Variants in HS6ST3 observed in about 807,000 individuals in gnomAD.
The protein encoded by HS6ST3 is heparan sulfate 6-O-sulfotransferase 3, also known as heparan-sulfate 6-O-sulfotransferase 3.
HS6ST3 carries 12 observed loss-of-function variants against 36.7 expected under a neutral mutation model. The ratio of observed to expected loss-of-function variants is 0.33; its 90% CI spans 0.21 to 0.53. HS6ST3 has a LOEUF of 0.53. Among genes scored for constraint, HS6ST3 ranks in the 20% least tolerant of loss-of-function variants. The probability of loss-of-function intolerance (pLI) is 0.95; values close to 1 mark genes in which losing one functional copy is unlikely to be tolerated. For synonymous variants in HS6ST3, 240 were observed against 257.5 expected (o/e 0.93, Z 0.65); for missense variants, 584 against 640.9 (o/e 0.91, Z 0.96).
chr13:96,403,704 G>A (rs950139880), intron 1 of HS6ST3, among the ~76,000 whole-genome samples: 1 of 152,170 alleles, frequency 6.6e-6, no homozygotes, highest in Non-Finnish European at 1.5e-5. Flanking sequence ...GGACAGGTTG[G>A]GGGAAGGCTC....
intron 1 of HS6ST3, among the ~76,000 whole-genome samples, chr13:96,213,509 C>A (rs9562051): frequency 0.053 from 8,085 of 151,248 alleles, 297 homozygotes; most frequent in East Asian, 0.15. Flanking sequence ...CTATGGCCGA[C>A]TGCCTCTGTG....
At chr13:96,812,638 A>T (rs996648168) in intron 1 of HS6ST3, among the ~76,000 whole-genome samples, 1 of 152,322 alleles carries the variant, frequency 6.6e-6, no homozygotes, top group South Asian at 2.1e-4. Flanking sequence ...GCTTGCTAGC[A>T]GTTACATTTT....
At chr13:96,750,697 T>C (rs754971428) in intron 1 of HS6ST3, among the ~76,000 whole-genome samples, 1 of 152,110 alleles carries the variant, frequency 6.6e-6, no homozygotes, top group Non-Finnish European at 1.5e-5. Flanking sequence ...CAATTAACCA[T>C]GTAGACATTC....
intron 1 of HS6ST3, among the ~76,000 whole-genome samples, chr13:96,496,937 A>T (rs773722988): frequency 2.0e-5 from 3 of 152,232 alleles, no homozygotes; most frequent in South Asian, 4.2e-4. Context: ...GGGATACCTC[A>T]TGGGGGTTGT....
chr13:96,753,746 C>T (rs1022608469), intron 1 of HS6ST3, among the ~76,000 whole-genome samples: 2 of 152,112 alleles, frequency 1.3e-5, no homozygotes, highest in Admixed American at 1.3e-4. Flanking sequence ...CCAATAGAAG[C>T]AGATAGTGGA....
intron 1 of HS6ST3, among the ~76,000 whole-genome samples, chr13:96,273,121 A>C (rs893745884): frequency 6.6e-6 from 1 of 151,980 alleles, no homozygotes; most frequent in African/African-American, 2.4e-5. Flanking sequence ...ATTGATATAC[A>C]GTTAAGGGGA....
At chr13:96,459,541 G>A (rs2055772541) in intron 1 of HS6ST3, among the ~76,000 whole-genome samples, 1 of 152,160 alleles carries the variant, frequency 6.6e-6, no homozygotes. Context: ...TGCTATCGGG[G>A]TAGGCACGCA....
chr13:96,427,971 G>A (rs1274445548), intron 1 of HS6ST3, among the ~76,000 whole-genome samples: 3 of 152,150 alleles, frequency 2.0e-5, no homozygotes, highest in Non-Finnish European at 4.4e-5. Flanking sequence ...TACCATAGAA[G>A]TAATGTACCC....
intron 1 of HS6ST3, among the ~76,000 whole-genome samples, chr13:96,370,895 A>T (rs1283336023): frequency 2.0e-5 from 3 of 152,182 alleles, no homozygotes; most frequent in Non-Finnish European, 4.4e-5. Flanking sequence ...GAGACACCGT[A>T]TCAAAGAATA....
At chr13:96,222,828 A>G (rs1248254155) in intron 1 of HS6ST3, among the ~76,000 whole-genome samples, 4 of 152,210 alleles carry the variant, frequency 2.6e-5, no homozygotes, top group Non-Finnish European at 4.4e-5. Flanking sequence ...ATCAGGGAGC[A>G]TGCTTTAGCT....
At chr13:96,580,450 T>G (rs1206777816) in intron 1 of HS6ST3, among the ~76,000 whole-genome samples, 1 of 151,754 alleles carries the variant, frequency 6.6e-6, no homozygotes, top group African/African-American at 2.4e-5. Flanking sequence ...GTAAGCCCAT[T>G]TAAAATTTTT....
intron 1 of HS6ST3, among the ~76,000 whole-genome samples, chr13:96,468,096 A>G (rs2055823197): frequency 6.6e-6 from 1 of 152,172 alleles, no homozygotes; most frequent in South Asian, 2.1e-4. Flanking sequence ...TAATGATTAC[A>G]ACTTCTGTTT....
At chr13:96,472,308 A>G (rs2138891336) in intron 1 of HS6ST3, among the ~76,000 whole-genome samples, 1 of 152,346 alleles carries the variant, frequency 6.6e-6, no homozygotes, top group Non-Finnish European at 1.5e-5. Flanking sequence ...TGCAGCTGCA[A>G]CTGGGTGATC....
At chr13:96,116,978 C>A (rs2053896915) in intron 1 of HS6ST3, among the ~76,000 whole-genome samples, 1 of 152,168 alleles carries the variant, frequency 6.6e-6, no homozygotes, top group Non-Finnish European at 1.5e-5. Flanking sequence ...TGAGCTTTAT[C>A]ATTGACTACA....
At chr13:96,674,661 C>T (rs2056693298) in intron 1 of HS6ST3, among the ~76,000 whole-genome samples, 1 of 152,150 alleles carries the variant, frequency 6.6e-6, no homozygotes, top group Non-Finnish European at 1.5e-5. Context: ...TCATTCTCAG[C>T]AGAAAGTAAA....
chr13:96,244,185 T>C (rs1422702994), intron 1 of HS6ST3, among the ~76,000 whole-genome samples: 5 of 152,176 alleles, frequency 3.3e-5, no homozygotes, highest in Non-Finnish European at 7.4e-5. Context: ...AGTTGTAAGA[T>C]TTTTTCTTTT....
intron 1 of HS6ST3, among the ~76,000 whole-genome samples, chr13:96,289,011 G>A (rs193112757): frequency 9.9e-5 from 15 of 151,910 alleles, no homozygotes; most frequent in African/African-American, 3.4e-4. Flanking sequence ...ACTATTAATA[G>A]TCACTTAGAA....
At chr13:96,152,557 T>G (rs1279561706) in intron 1 of HS6ST3, among the ~76,000 whole-genome samples, 1 of 152,044 alleles carries the variant, frequency 6.6e-6, no homozygotes, top group Non-Finnish European at 1.5e-5. Context: ...CAGGATGGTC[T>G]CCATCTCCTG....
chr13:96,231,476 G>A (rs1250116323), intron 1 of HS6ST3, among the ~76,000 whole-genome samples: 1 of 152,150 alleles, frequency 6.6e-6, no homozygotes, highest in African/African-American at 2.4e-5. Flanking sequence ...AAGCAAAGGG[G>A]AAGCAGGTGT....
Sources: gnomAD v4.1 joint callset for allele counts (sites outside exome capture counted in the v4.1 genomes callset) on GRCh38, gnomAD v4.1.1 for gene constraint, MANE v1.5 for transcripts, NCBI Gene and HGNC (gene_info 2026-07-23, HGNC 2026-07-21) for gene names.